Variants in PTPRN2 observed in about 807,000 individuals in gnomAD.
The protein encoded by PTPRN2 is protein tyrosine phosphatase receptor type N2, also known as receptor-type tyrosine-protein phosphatase N2.
In PTPRN2, 74 loss-of-function variants were observed where a neutral mutation model predicts 118.8. That is an observed-to-expected ratio of 0.62 (90% CI 0.52 to 0.76). The LOEUF (loss-of-function observed/expected upper bound fraction) is 0.76. Among genes scored for constraint, PTPRN2 ranks in the 30% least tolerant of loss-of-function variants. PTPRN2 has a pLI of 0.00. For missense variants in PTPRN2, 1,481 were observed against 1,394.4 expected (o/e 1.06, Z -0.99); for synonymous variants, 641 against 608.0 (o/e 1.05, Z -0.80).
chr7:158,181,927 G>C (rs56336654), intron 5 of PTPRN2, among the ~76,000 whole-genome samples: 10,338 of 91,796 alleles, frequency 0.11, 431 homozygotes, highest in Admixed American at 0.17. Flanking sequence ...GCTCTGTTCT[G>C]ATCTTTGTTA....
intron 2 of PTPRN2, among the ~76,000 whole-genome samples, chr7:158,409,874 T>A (rs1586603391): frequency 1.3e-5 from 2 of 152,338 alleles, no homozygotes; most frequent in East Asian, 3.9e-4. Context: ...TCTCAAAAAA[T>A]CTGGCTTTAA....
chr7:157,750,935 C>T (rs1801424934), intron 12 of PTPRN2, among the ~76,000 whole-genome samples: 1 of 152,226 alleles, frequency 6.6e-6, no homozygotes, highest in South Asian at 2.1e-4. Flanking sequence ...CCTGGACGAG[C>T]CAGGGCTCGC....
intron 6 of PTPRN2, among the ~76,000 whole-genome samples, chr7:158,151,998 C>A (rs1387634031): frequency 6.6e-6 from 1 of 151,840 alleles, no homozygotes; most frequent in Non-Finnish European, 1.5e-5. Context: ...ATGGTGAAAC[C>A]CCGTCTCTAC....
chr7:157,650,943 A>G (rs1029775612), intron 14 of PTPRN2, among the ~76,000 whole-genome samples: 26 of 152,190 alleles, frequency 1.7e-4, no homozygotes, highest in Non-Finnish European at 7.4e-5. Context: ...CAGAGACACG[A>G]CGGGCCCAGG....
intron 13 of PTPRN2, among the ~76,000 whole-genome samples, chr7:157,678,157 C>A (rs1472923728): frequency 6.6e-6 from 1 of 152,154 alleles, no homozygotes; most frequent in East Asian, 1.9e-4. Flanking sequence ...GCACAGTTTT[C>A]ACAGGGTGCC....
intron 2 of PTPRN2, among the ~76,000 whole-genome samples, chr7:158,467,995 T>G (rs1394579661): frequency 6.6e-6 from 1 of 152,200 alleles, no homozygotes; most frequent in Non-Finnish European, 1.5e-5. Context: ...ACTGGAATTG[T>G]GGGGCTCAAG....
At chr7:158,201,625 G>A (rs1826655001) in intron 4 of PTPRN2, among the ~76,000 whole-genome samples, 1 of 152,134 alleles carries the variant, frequency 6.6e-6, no homozygotes, top group Non-Finnish European at 1.5e-5. Flanking sequence ...GGTCCAATAA[G>A]AAGCATCTTA....
At position 158,489,454 on chromosome 7, in the gene PTPRN2, T is replaced by A. The variant is rs575010924; in HGVS notation, c.163+281A>T. ...AGAGCGAGACTCTGTCTCAAAAAAA[T>A]TTTTTAAAAAAGGATGAAAAACTTG... On this transcript the variant is annotated intron_variant, in intron 2 of 22. Coordinates refer to ENST00000389418, the MANE Select transcript of PTPRN2 (RefSeq NM_002847.5). Among the ~76,000 whole-genome samples the A allele has an allele frequency of 1.1e-3, 166 of 152,148 alleles. 1 individual carries two copies. The highest frequency in any genetic ancestry group is 3.6e-3 in the African/African-American group (151 of 41,530).
chr7:158,192,393 C>T lies in PTPRN2; in HGVS notation c.483G>A (p.Leu161=), dbSNP rs370514591. The T allele has an allele frequency of 5.2e-6, 8 of 1,532,528 alleles. No individual in the cohort carries two copies. Among genetic ancestry groups the T allele is most frequent in the Non-Finnish European group, 7.0e-6 (8 of 1,150,970 alleles). 94.9% of individuals were successfully genotyped at this position (1,532,528 alleles called of 1,614,324 possible). ...GCACGTCTGAGGCTGGGGCCTGGGA[C>T]AGGGCCTCCAGGAAGGGCAGGTGGC... ...LRRHLPFLEA[L]SQAPASDVLA... is the part of the protein sequence containing the mutation. Residue 161 remains leucine (L), a synonymous_variant, in exon 5 of 23, where the codon CTG becomes CTA. Coordinates refer to ENST00000389418, the MANE Select transcript of PTPRN2 (RefSeq NM_002847.5).
At chr7:157,788,145 G>A (rs1036426662) in intron 12 of PTPRN2, among the ~76,000 whole-genome samples, 7 of 152,218 alleles carry the variant, frequency 4.6e-5, no homozygotes, top group African/African-American at 1.7e-4. Context: ...GGAGGCTGAG[G>A]CGGGCGGATC....
intron 12 of PTPRN2, among the ~76,000 whole-genome samples, chr7:157,829,133 T>C (rs1326252214): frequency 1.3e-5 from 2 of 152,258 alleles, no homozygotes; most frequent in Non-Finnish European, 2.9e-5. Context: ...TTCTGAAATA[T>C]GTAATACATT....
intron 13 of PTPRN2, chr7:157,669,613 T>C (rs1796312765): frequency 4.3e-6 from 2 of 466,418 alleles, no homozygotes; most frequent in East Asian, 6.5e-5. Context: ...ATGAGCGATG[T>C]TGGCCAAGCA....
rs1806187775 is a variant in PTPRN2, at chr7:157,813,490, T to C, written c.1788+85183A>G. On this transcript the variant is annotated intron_variant, in intron 12 of 22. Transcript: ENST00000389418. The surrounding 1 kb of genome is among the most constrained non-coding windows in gnomAD (Gnocchi z 4.7). ...AAAAGGCCCTAATGTCATGGGAAAG[T>C]CTAACAATTTGTTAAACTTTGTTAG... is the stretch of plus-strand genomic sequence containing the variant. Among the ~76,000 whole-genome samples the C allele has an allele frequency of 6.6e-6, 1 of 152,160 alleles. No homozygotes were observed. Among genetic ancestry groups the C allele is most frequent in the Non-Finnish European group, 1.5e-5 (1 of 68,034 alleles).
At chr7:157,557,606 C>A (rs867370710) in intron 21 of PTPRN2, among the ~76,000 whole-genome samples, 32 of 151,638 alleles carry the variant, frequency 2.1e-4, no homozygotes, top group African/African-American at 7.8e-4. Context: ...GTTTTTACTT[C>A]ACACCTTTCC....
chr7:157,984,436 CGCCAGGCTCCA>C (rs1172388907), intron 11 of PTPRN2, among the ~76,000 whole-genome samples: 1 of 56,020 alleles, frequency 1.8e-5, no homozygotes. Flanking sequence ...CCAGGCTCCA[CGCCAGGCTCCA>C]CCCCCCCCAC....
At chr7:158,266,586 G>A (rs1797900588) in intron 3 of PTPRN2, among the ~76,000 whole-genome samples, 1 of 152,172 alleles carries the variant, frequency 6.6e-6, no homozygotes, top group African/African-American at 2.4e-5. Flanking sequence ...TGAGCATCAG[G>A]CCTGAATTCC....
intron 1 of PTPRN2, among the ~76,000 whole-genome samples, chr7:158,559,598 C>T (rs573652915): frequency 4.6e-5 from 7 of 152,296 alleles, no homozygotes; most frequent in South Asian, 2.1e-4. Context: ...GAGGTGACCG[C>T]GGGGATACCT....
chr7:157,846,243 A>AGGT (rs1389925164), intron 12 of PTPRN2, among the ~76,000 whole-genome samples: 2 of 152,060 alleles, frequency 1.3e-5, no homozygotes, highest in East Asian at 3.9e-4. Context: ...AAACTGGCCA[A>AGGT]GGTGTGATGT....
chr7:157,897,835 A>C (rs1201377681), intron 12 of PTPRN2, among the ~76,000 whole-genome samples: 1 of 152,266 alleles, frequency 6.6e-6, no homozygotes, highest in Non-Finnish European at 1.5e-5. Flanking sequence ...ACTCATAAAT[A>C]AGCGCTCCTT....
Sources: allele counts gnomAD v4.1 joint callset (sites outside exome capture counted in the v4.1 genomes callset), GRCh38; gene constraint gnomAD v4.1.1; non-coding constraint Gnocchi (gnomAD v3.1); transcripts MANE v1.5; gene names NCBI Gene and HGNC (gene_info 2026-07-23, HGNC 2026-07-21).